The following THADA variants were observed in gnomAD, a reference collection of about 807,000 sequenced individuals.
THADA encodes the protein tRNA (32-2'-O)-methyltransferase regulator THADA.
In THADA, 213 loss-of-function variants were observed where a neutral mutation model predicts 219.8. The observed-to-expected ratio is 0.97, with a 90% CI of 0.87 to 1.09. THADA has a LOEUF of 1.09. Among genes scored for constraint, THADA ranks in the 50% least tolerant of loss-of-function variants. The pLI, the probability that THADA is intolerant of heterozygous loss-of-function variation, is 0.00. For missense variants in THADA, 2,956 were observed against 2,311.3 expected (o/e 1.28, Z -5.72); for synonymous variants, 1,018 against 828.9 (o/e 1.23, Z -3.92).
chr2:43,302,145 G>C (rs1413381171), intron 31 of THADA, among the ~76,000 whole-genome samples: 1 of 151,952 alleles, frequency 6.6e-6, no homozygotes, highest in Non-Finnish European at 1.5e-5. Context: ...TGGGACTATA[G>C]GTGCATGCCA....
intron 21 of THADA, among the ~76,000 whole-genome samples, chr2:43,535,999 T>C (rs1468220334): frequency 6.6e-6 from 1 of 152,096 alleles, no homozygotes; most frequent in Non-Finnish European, 1.5e-5. Context: ...AGACGGGGTT[T>C]TACCATGTTG....
intron 26 of THADA, among the ~76,000 whole-genome samples, chr2:43,460,800 GC>G (rs1032256859): frequency 1.3e-5 from 2 of 152,208 alleles, no homozygotes; most frequent in Non-Finnish European, 2.9e-5. Flanking sequence ...GTGGGGGAGA[GC>G]CCACAGAGGA....
At chr2:43,491,515 T>C (rs1419953325) in intron 25 of THADA, among the ~76,000 whole-genome samples, 1 of 152,196 alleles carries the variant, frequency 6.6e-6, no homozygotes, top group East Asian at 1.9e-4. Context: ...GTAATGATAG[T>C]CCCATACGAT....
intron 31 of THADA, among the ~76,000 whole-genome samples, chr2:43,293,723 A>T (rs1172985559): frequency 6.6e-6 from 1 of 152,146 alleles, no homozygotes; most frequent in African/African-American, 2.4e-5. Flanking sequence ...CTACATTTTG[A>T]GGCTCCCAAT....
At chr2:43,338,912 T>C (rs1573145346) in intron 30 of THADA, among the ~76,000 whole-genome samples, 1 of 152,210 alleles carries the variant, frequency 6.6e-6, no homozygotes, top group Non-Finnish European at 1.5e-5. Context: ...TTTCAATTTT[T>C]TGAGGAAATA....
intron 22 of THADA, among the ~76,000 whole-genome samples, chr2:43,515,350 T>G (rs78733520): frequency 8.9e-5 from 2 of 22,416 alleles, no homozygotes; most frequent in African/African-American, 6.2e-4. Context: ...TATATAATAT[T>G]TTATATATAA....
intron 26 of THADA, among the ~76,000 whole-genome samples, chr2:43,442,974 C>G (rs1160101071): frequency 6.6e-6 from 1 of 152,222 alleles, no homozygotes; most frequent in Non-Finnish European, 1.5e-5. Flanking sequence ...CAGACTTCTT[C>G]CAGGACACAT....
At chr2:43,570,597 T>G in intron 13 of THADA, 87 bp from the exon 14 acceptor site, 1 of 1,397,532 alleles carries the variant, frequency 7.2e-7, no homozygotes. Context: ...AGAATAAAAC[T>G]TCAGGCAAGA....
chr2:43,343,789 G>C, intron 30 of THADA: 1 of 225,026 alleles, frequency 4.4e-6, no homozygotes, highest in Non-Finnish European at 9.1e-6. Flanking sequence ...CTAAGAGTCT[G>C]TACCACATGA....
intron 22 of THADA, among the ~76,000 whole-genome samples, chr2:43,522,857 T>G (rs1270349450): frequency 6.6e-6 from 1 of 152,112 alleles, no homozygotes; most frequent in South Asian, 2.1e-4. Context: ...ATAAAGAATA[T>G]GGCTCCCCAG....
At chr2:43,413,517 C>G (rs1397271213) in intron 28 of THADA, among the ~76,000 whole-genome samples, 2 of 152,174 alleles carry the variant, frequency 1.3e-5, no homozygotes, top group African/African-American at 4.8e-5. Flanking sequence ...ATGAGGTTGC[C>G]TTACCTAATA....
chr2:43,578,112 A>G (rs1193106568), intron 9 of THADA, among the ~76,000 whole-genome samples: 4 of 151,152 alleles, frequency 2.6e-5, no homozygotes, highest in South Asian at 2.1e-4. Flanking sequence ...CAGACAATGC[A>G]AAAAAAAATT....
Position 43,482,578 on chromosome 2 carries a change from T to C in THADA, c.3836+2656A>G, listed in dbSNP as rs1213653644. 4.6e-5 allele frequency among the ~76,000 whole-genome samples: 7 copies of C among 152,326 alleles called. No individual in the cohort carries two copies. In the South Asian group the frequency reaches 8.3e-4, roughly 18 times the overall value. On this transcript the variant is annotated intron_variant, in intron 26 of 37. Transcript: ENST00000405975. ...TCTCAGTTGATTATAGTGGTTATAT[T>C]GTAACAAACGCAGGAGTAGAAACCA...
chr2:43,253,215 C>G (rs182375677), intron 36 of THADA, among the ~76,000 whole-genome samples: 2 of 152,212 alleles, frequency 1.3e-5, no homozygotes, highest in East Asian at 3.9e-4. Context: ...GAAGGAGAAC[C>G]TGAAGACGCC....
intron 28 of THADA, among the ~76,000 whole-genome samples, chr2:43,400,523 C>G (rs1001856860): frequency 7.1e-6 from 1 of 141,032 alleles, no homozygotes; most frequent in Non-Finnish European, 1.5e-5. Context: ...TGTTTTGTCG[C>G]CTACTGGCGG....
chr2:43,279,362 A>G (rs1673082636), intron 36 of THADA, among the ~76,000 whole-genome samples: 1 of 152,184 alleles, frequency 6.6e-6, no homozygotes, highest in South Asian at 2.1e-4. Context: ...TCAGGAACAA[A>G]ATGATGGTTT....
At chr2:43,528,928 T>A (rs1359529890) in intron 21 of THADA, among the ~76,000 whole-genome samples, 2 of 152,146 alleles carry the variant, frequency 1.3e-5, no homozygotes, top group African/African-American at 4.8e-5. Context: ...GAACTTTTCA[T>A]CTTCCCAAAT....
chr2:43,314,361 G>A (rs889635592), intron 31 of THADA, among the ~76,000 whole-genome samples: 2 of 152,092 alleles, frequency 1.3e-5, no homozygotes, highest in African/African-American at 4.8e-5. Context: ...GGAAAAACCC[G>A]CTCATAAAAC....
chr2:43,579,708 C>A (rs913039737), intron 8 of THADA, among the ~76,000 whole-genome samples: 2 of 152,166 alleles, frequency 1.3e-5, no homozygotes, highest in African/African-American at 4.8e-5. Context: ...AAAGTAAAGA[C>A]GCAACTGGCC....
Sources: allele counts gnomAD v4.1 joint callset (sites outside exome capture counted in the v4.1 genomes callset), GRCh38; gene constraint gnomAD v4.1.1; transcripts MANE v1.5; gene names NCBI Gene and HGNC (gene_info 2026-07-23, HGNC 2026-07-21).